Variants in SETBP1 observed in about 807,000 individuals in gnomAD.
SETBP1 encodes SET binding protein 1, also known as SET-binding protein.
In SETBP1, 9 loss-of-function variants were observed where a neutral mutation model predicts 101.0. That is an observed-to-expected ratio of 0.09 (90% CI 0.05 to 0.16). SETBP1 has a LOEUF of 0.16. SETBP1 is among the 10% of genes least tolerant of loss of function. The pLI is 1.00. For missense variants in SETBP1, 1,858 were observed against 2,033.8 expected (o/e 0.91, Z 1.66); for synonymous variants, 818 against 788.5 (o/e 1.04, Z -0.63).
At chr18:45,036,515 A>G (rs1239608475) in intron 4 of SETBP1, among the ~76,000 whole-genome samples, 1 of 152,194 alleles carries the variant, frequency 6.6e-6, no homozygotes. Flanking sequence ...AATTTTACAA[A>G]CAAGGCATAT....
At chr18:44,785,813 G>T (rs1252599712) in intron 2 of SETBP1, among the ~76,000 whole-genome samples, 1 of 152,118 alleles carries the variant, frequency 6.6e-6, no homozygotes, top group Admixed American at 6.5e-5. Context: ...CTTATATGTT[G>T]CCACTTTGCG....
intron 2 of SETBP1, among the ~76,000 whole-genome samples, chr18:44,722,548 A>T (rs1296278769): frequency 6.6e-6 from 1 of 152,116 alleles, no homozygotes; most frequent in Non-Finnish European, 1.5e-5. Flanking sequence ...GTTTATGGGG[A>T]CCTATTGTAG....
chr18:44,950,001 G>A lies in SETBP1; in HGVS notation c.661G>A (p.Asp221Asn), dbSNP rs2071298853. The change falls in exon 4 of 6, where the codon GAC (aspartate) becomes AAC (asparagine). Residue 221 changes from aspartate (D) to asparagine (N), a missense_variant. Transcript: ENST00000649279. ...AAAAAGCAGCAGCCAGAACCACATG[G>A]ACTGGTCCACCAACTCTGACAGCGG... ...QQKSSSQNHM[D>N]WSTNSDSGPV... The A allele has an allele frequency of 1.2e-6, 2 of 1,613,964 alleles. No homozygotes were observed. Among genetic ancestry groups the A allele is most frequent in the South Asian group, 2.2e-5 (2 of 91,084 alleles).
intron 2 of SETBP1, among the ~76,000 whole-genome samples, chr18:44,828,262 T>C (rs528898121): frequency 7.9e-5 from 12 of 152,202 alleles, no homozygotes; most frequent in Non-Finnish European, 1.6e-4. Flanking sequence ...GAAGTTCCGT[T>C]ATGTTGAAAT....
At chr18:44,845,636 G>A (rs1040200024) in intron 2 of SETBP1, among the ~76,000 whole-genome samples, 2 of 152,216 alleles carry the variant, frequency 1.3e-5, no homozygotes, top group African/African-American at 4.8e-5. Context: ...CTGCCAGGGG[G>A]CGTGATGCTC....
intron 4 of SETBP1, among the ~76,000 whole-genome samples, chr18:44,979,796 T>G (rs1476262617): frequency 6.6e-6 from 1 of 152,236 alleles, no homozygotes; most frequent in Non-Finnish European, 1.5e-5. Flanking sequence ...TCCTTATTTT[T>G]TCTTAACACC....
intron 3 of SETBP1, among the ~76,000 whole-genome samples, chr18:44,907,220 A>G (rs989159094): frequency 6.6e-6 from 1 of 152,208 alleles, no homozygotes; most frequent in Non-Finnish European, 1.5e-5. Context: ...ATTCCATCAT[A>G]TGGATATATT....
intron 2 of SETBP1, among the ~76,000 whole-genome samples, chr18:44,803,940 A>G (rs1209857809): frequency 6.6e-6 from 1 of 152,176 alleles, no homozygotes; most frequent in Non-Finnish European, 1.5e-5. Context: ...GAGAAGTATG[A>G]GGTAAACTAG....
At chr18:44,864,633 A>C (rs552490903) in intron 2 of SETBP1, among the ~76,000 whole-genome samples, 2 of 152,124 alleles carry the variant, frequency 1.3e-5, no homozygotes, top group South Asian at 4.2e-4. Context: ...TCCACCAGGG[A>C]GATGAAAGAA....
intron 4 of SETBP1, among the ~76,000 whole-genome samples, chr18:44,971,770 C>G (rs532867938): frequency 6.6e-6 from 1 of 152,078 alleles, no homozygotes; most frequent in Non-Finnish European, 1.5e-5. Flanking sequence ...TAGATTCTGG[C>G]TATTAGCCCT....
chr18:44,753,966 A>G (rs938557315), intron 2 of SETBP1, among the ~76,000 whole-genome samples: 1 of 152,184 alleles, frequency 6.6e-6, no homozygotes, highest in Non-Finnish European at 1.5e-5. Context: ...GCTACCTACC[A>G]TTTGTGGACA....
chr18:44,961,150 A>G (rs2071602174), intron 4 of SETBP1, among the ~76,000 whole-genome samples: 1 of 152,200 alleles, frequency 6.6e-6, no homozygotes, highest in Non-Finnish European at 1.5e-5. Context: ...GGTGGAAGAG[A>G]TGACCTGGCA....
At chr18:44,714,635 T>G (rs963870269) in intron 2 of SETBP1, among the ~76,000 whole-genome samples, 4 of 151,756 alleles carry the variant, frequency 2.6e-5, no homozygotes, top group African/African-American at 9.7e-5. Flanking sequence ...CGCATGCACG[T>G]GTGAGCGCTC....
At chr18:44,959,087 A>G (rs2071556196) in intron 4 of SETBP1, among the ~76,000 whole-genome samples, 1 of 152,232 alleles carries the variant, frequency 6.6e-6, no homozygotes, top group Non-Finnish European at 1.5e-5. Flanking sequence ...CGAGCCATTT[A>G]TCTTCCCACA....
intron 2 of SETBP1, among the ~76,000 whole-genome samples, chr18:44,791,936 G>C (rs542624391): frequency 6.6e-6 from 1 of 152,074 alleles, no homozygotes; most frequent in Non-Finnish European, 1.5e-5. Context: ...ACTCAACTGT[G>C]GGGAAGGCAT....
intron 1 of SETBP1, among the ~76,000 whole-genome samples, chr18:44,689,056 A>G (rs937507335): frequency 7.2e-5 from 11 of 152,188 alleles, no homozygotes; most frequent in Non-Finnish European, 1.5e-4. Flanking sequence ...AAGTTGGAAC[A>G]TGATCCCAAA....
At chr18:44,990,853 G>T (rs1345571455) in intron 4 of SETBP1, among the ~76,000 whole-genome samples, 2 of 149,530 alleles carry the variant, frequency 1.3e-5, no homozygotes, top group African/African-American at 5.0e-5. Context: ...CATTAAATTT[G>T]GGTTCTATAA....
At chr18:44,885,945 T>G (rs2069637812) in intron 3 of SETBP1, among the ~76,000 whole-genome samples, 1 of 151,612 alleles carries the variant, frequency 6.6e-6, no homozygotes, top group Admixed American at 6.6e-5. Context: ...TTATATTCAA[T>G]GCAGTTTATT....
intron 4 of SETBP1, among the ~76,000 whole-genome samples, chr18:44,975,250 A>G (rs929792969): frequency 1.3e-5 from 2 of 152,216 alleles, no homozygotes; most frequent in African/African-American, 4.8e-5. Flanking sequence ...CTGCAGTTCT[A>G]CTAGACGCAG....
Sources: allele counts gnomAD v4.1 joint callset (sites outside exome capture counted in the v4.1 genomes callset), GRCh38; gene constraint gnomAD v4.1.1; transcripts MANE v1.5; gene names NCBI Gene and HGNC (gene_info 2026-07-23, HGNC 2026-07-21).